Variants in DICER1 observed in about 807,000 individuals in gnomAD.
DICER1 encodes the protein endoribonuclease Dicer.
A neutral mutation model predicts 194.1 loss-of-function variants in DICER1; 43 were observed. The ratio of observed to expected loss-of-function variants is 0.22; its 90% confidence interval spans 0.17 to 0.29. DICER1 has a LOEUF of 0.29. DICER1 is among the 10% of genes least tolerant of loss of function. The probability of loss-of-function intolerance (pLI) is 1.00; values close to 1 mark genes in which losing one functional copy is unlikely to be tolerated. For synonymous variants in DICER1, 832 were observed against 820.5 expected (o/e 1.01, Z -0.24); for missense variants, 1,608 against 2,317.0 (o/e 0.69, Z 6.28).
rs1595382674 is a variant in DICER1, at chr14:95,108,512, G to A, written c.2257-9C>T. 2 of 1,613,212 alleles carry A rather than the reference G, an allele frequency of 1.2e-6. No individual in the cohort carries two copies. The highest frequency in any genetic ancestry group is 1.7e-6 in the Non-Finnish European group (2 of 1,179,152). On this transcript the variant is annotated splice_polypyrimidine_tract_variant and intron_variant, in intron 14 of 26. Transcript: ENST00000343455. Reference sequence around the variant, plus strand: ...CTCAAACACTCTGGAATCTAGAGTTGGAAAGGAAAATTAAGCGTCATGCTC... The same window carrying A: ...CTCAAACACTCTGGAATCTAGAGTTAGAAAGGAAAATTAAGCGTCATGCTC...
chr14:95,157,001 G>A (rs989021077), intron 1 of DICER1, among the ~76,000 whole-genome samples: 1 of 152,104 alleles, frequency 6.6e-6, no homozygotes, highest in African/African-American at 2.4e-5. Context: ...GAGGCGCCGG[G>A]GTCCGGGCCC....
At position 95,088,939 on chromosome 14, in the gene DICER1, C is replaced by G. The variant is rs1889554859; in HGVS notation, c.*1559G>C. 1 of 233,186 alleles carries G rather than the reference C, an allele frequency of 4.3e-6. No homozygotes were observed. Among genetic ancestry groups the G allele is most frequent in the African/African-American group, 2.2e-5 (1 of 45,200 alleles). 14.4% of individuals were successfully genotyped at this position (233,186 alleles called of 1,614,324 possible). On this transcript the variant is annotated 3_prime_UTR_variant, in exon 27 of 27. Coordinates refer to ENST00000343455, the MANE Select transcript of DICER1 (RefSeq NM_177438.3). ...CTGCTCAGCTTTCTTAAACTTCAAG[C>G]ATAATTAACGGGGCAAATTGCAGCA...
intron 24 of DICER1, among the ~76,000 whole-genome samples, chr14:95,092,685 C>G (rs1889952279): frequency 6.6e-6 from 1 of 152,134 alleles, no homozygotes; most frequent in Non-Finnish European, 1.5e-5. Context: ...CCAATCAGTT[C>G]TTGTAACTTC....
chr14:95,112,561 T>TTATCA (rs1464712033), intron 12 of DICER1, among the ~76,000 whole-genome samples: 2 of 152,200 alleles, frequency 1.3e-5, no homozygotes, highest in African/African-American at 4.8e-5. Context: ...AAAGAAAGAT[T>TTATCA]TATCAAAACA....
In DICER1 at chr14:95,126,436, G is replaced by A. The variant is rs550156020; in HGVS notation, c.903+144C>T. On this transcript the variant is annotated intron_variant, in intron 7 of 26. Coordinates refer to ENST00000343455, the MANE Select transcript of DICER1 (RefSeq NM_177438.3). ...CAATGAACTCAACCTAATATGGTAT[G>A]TTCAATGAAAAATGTCTAAAAAGAT... The A allele has an allele frequency of 1.0e-5, 6 of 590,128 alleles. No individual in the cohort carries two copies. In the South Asian group the frequency reaches 1.0e-4, roughly 10 times the overall value. The allele number at this position is 590,128 out of a possible 1,614,324, so 36.6% of individuals were successfully genotyped here.
chr14:95,131,748 C>A, intron 3 of DICER1, 109 bp from the exon 4 acceptor site: 3 of 1,052,424 alleles, frequency 2.9e-6, no homozygotes, highest in Non-Finnish European at 4.4e-6. Flanking sequence ...TATATTAGAC[C>A]TAACCAACAA....
At chr14:95,111,232 A>G in intron 14 of DICER1, 85 bp downstream of exon 14, 1 of 1,548,922 alleles carries the variant, frequency 6.5e-7, no homozygotes, top group Non-Finnish European at 8.9e-7. Flanking sequence ...GTGGGAAGCC[A>G]GCCAAGCAGA....
chr14:95,157,450 G>C lies in DICER1; in HGVS notation c.-266C>G, dbSNP rs1895971088. ...TCGACCCCTCCCGCCGGCGCCTGCGGAGACTGCGCAGCGCCCGGCTGGCCG... is the reference window on the plus strand; with the variant it reads ...TCGACCCCTCCCGCCGGCGCCTGCGCAGACTGCGCAGCGCCCGGCTGGCCG... On this transcript the variant is annotated 5_prime_UTR_variant, in exon 1 of 27. Coordinates refer to ENST00000343455, the MANE Select transcript of DICER1 (RefSeq NM_177438.3). The C allele has an allele frequency of 6.6e-6, 1 of 152,558 alleles. No homozygotes were observed. Among genetic ancestry groups the C allele is most frequent in the African/African-American group, 2.4e-5 (1 of 41,414 alleles). 9.5% of individuals were successfully genotyped at this position (152,558 alleles called of 1,614,324 possible). A position where few individuals can be genotyped will look rare whatever the true frequency, so the allele number is the denominator to read the frequency against.
At position 95,156,683 on chromosome 14, in the gene DICER1, C is replaced by T. The variant is rs188992770; in HGVS notation, c.-46+547G>A. ...GGGAGAGGCAAAAGAATGGCCTCGG[C>T]CCCTGCCCGCCCCCCAGGGCCCCAA... is the stretch of plus-strand genomic sequence containing the variant. On this transcript the variant is annotated intron_variant, in intron 1 of 26. Transcript: ENST00000343455. Among the ~76,000 whole-genome samples, 3 of 152,366 alleles carry T rather than the reference C, an allele frequency of 2.0e-5. No individual in the cohort carries two copies. The East Asian group carries it at 5.8e-4, about 29-fold the overall frequency.
At chr14:95,093,018 T>C (rs1383537933) in intron 24 of DICER1, among the ~76,000 whole-genome samples, 1 of 152,218 alleles carries the variant, frequency 6.6e-6, no homozygotes, top group Non-Finnish European at 1.5e-5. Flanking sequence ...TGAACTCGGC[T>C]CTGCGGCTAG....
rs1159625362 is a variant in DICER1, at chr14:95,131,656, T to C, written c.308-17A>G. ...CCTGGTTTGCTAATTACAAATATAATACTCCATGTAAATATGAGAAATCTT... is the reference window on the plus strand; with the variant it reads ...CCTGGTTTGCTAATTACAAATATAACACTCCATGTAAATATGAGAAATCTT... On this transcript the variant is annotated splice_polypyrimidine_tract_variant and intron_variant, in intron 3 of 26. Coordinates refer to ENST00000343455, the MANE Select transcript of DICER1 (RefSeq NM_177438.3). 17 of 1,611,466 alleles carry C rather than the reference T, an allele frequency of 1.1e-5. No individual in the cohort carries two copies. The highest frequency in any genetic ancestry group is 9.3e-5 in the African/African-American group (7 of 74,872).
chr14:95,122,780 G>A (rs1410937381), intron 8 of DICER1, among the ~76,000 whole-genome samples: 1 of 152,068 alleles, frequency 6.6e-6, no homozygotes, highest in Admixed American at 6.5e-5. Context: ...ATTTTCCTTT[G>A]TATTCATCAG....
At chr14:95,121,226 G>A (rs763978649) in intron 8 of DICER1, among the ~76,000 whole-genome samples, 1 of 152,192 alleles carries the variant, frequency 6.6e-6, no homozygotes, top group Non-Finnish European at 1.5e-5. Flanking sequence ...AACTGTGACA[G>A]ACCAGAGGAA....
At chr14:95,135,298 T>G (rs1894277257) in intron 1 of DICER1, among the ~76,000 whole-genome samples, 1 of 152,118 alleles carries the variant, frequency 6.6e-6, no homozygotes, top group Non-Finnish European at 1.5e-5. Context: ...GAAGACATGG[T>G]AGAAGGTACC....
chr14:95,145,158 T>C (rs1004511808), intron 1 of DICER1, among the ~76,000 whole-genome samples: 5 of 152,180 alleles, frequency 3.3e-5, no homozygotes, highest in Non-Finnish European at 7.4e-5. Context: ...CGTGCAAAAA[T>C]ATTAACATCA....
At position 95,124,702 on chromosome 14, in the gene DICER1, AAAT is replaced by A. The variant is rs2140209329; in HGVS notation, c.904-37_904-35del. On this transcript the variant is annotated intron_variant, in intron 7 of 26. Transcript: ENST00000343455. This position sits in a 1 kb window ranked among gnomAD's most constrained non-coding sequence, Gnocchi z 4.5. ...AAAAGAAAAGAAAAAACCTAATGCC[AAAT>A]AATAATAATGTAGCATTTTCATGTG... The A allele has an allele frequency of 1.3e-6, 2 of 1,499,024 alleles. No individual in the cohort carries two copies. The highest frequency in any genetic ancestry group is 1.9e-6 in the Non-Finnish European group (2 of 1,077,184). The allele number at this position is 1,499,024 out of a possible 1,614,324, so 92.9% of individuals were successfully genotyped here.
intron 1 of DICER1, among the ~76,000 whole-genome samples, chr14:95,142,458 TAG>T (rs1477518168): frequency 6.6e-6 from 1 of 152,194 alleles, no homozygotes; most frequent in Non-Finnish European, 1.5e-5. Context: ...TGTCACCCTC[TAG>T]AGATGATTTC....
intron 6 of DICER1, among the ~76,000 whole-genome samples, chr14:95,127,284 A>C (rs568799083): frequency 5.9e-4 from 90 of 152,338 alleles, no homozygotes; most frequent in South Asian, 2.5e-3. Flanking sequence ...CTCCAAAAAG[A>C]AGCTTCCTAG....
intron 1 of DICER1, among the ~76,000 whole-genome samples, chr14:95,134,752 G>T (rs992685351): frequency 1.3e-5 from 2 of 152,204 alleles, no homozygotes; most frequent in African/African-American, 4.8e-5. Context: ...TGCCGGAGCT[G>T]AGAGCCCGGT....
Sources: gnomAD v4.1 joint callset for allele counts (sites outside exome capture counted in the v4.1 genomes callset) on GRCh38, gnomAD v4.1.1 for gene constraint, Gnocchi (gnomAD v3.1) non-coding constraint, MANE v1.5 for transcripts, NCBI Gene and HGNC (gene_info 2026-07-23, HGNC 2026-07-21) for gene names.